The following LSAMP variants were observed in gnomAD, a reference collection of about 807,000 sequenced individuals.
LSAMP encodes the protein limbic system associated membrane protein, also known as limbic system-associated membrane protein.
A neutral mutation model predicts 38.6 loss-of-function variants in LSAMP; 7 were observed. That is an observed-to-expected ratio of 0.18 (90% CI 0.10 to 0.34). The LOEUF is 0.34. Among genes scored for constraint, LSAMP ranks in the 10% least tolerant of loss-of-function variants. LSAMP has a pLI of 1.00. For synonymous variants in LSAMP, 154 were observed against 166.8 expected, an observed-to-expected ratio of 0.92 and a Z score of 0.59; for missense variants, 313 against 420.0, an observed-to-expected ratio of 0.75 and a Z score of 2.23.
chr3:116,415,605 G>C (rs1456222272), intron 1 of LSAMP, among the ~76,000 whole-genome samples: 1 of 152,104 alleles, frequency 6.6e-6, no homozygotes, highest in East Asian at 1.9e-4. Flanking sequence ...TCATCTTGGA[G>C]AGAGCTTGGC....
chr3:116,270,433 A>C (rs902077615), intron 1 of LSAMP, among the ~76,000 whole-genome samples: 2 of 29,810 alleles, frequency 6.7e-5, no homozygotes, highest in Admixed American at 6.2e-4. Flanking sequence ...ACTTCATTTG[A>C]CAACAATTGT....
At chr3:116,025,592 C>T (rs1020754840) in intron 2 of LSAMP, among the ~76,000 whole-genome samples, 12 of 151,622 alleles carry the variant, frequency 7.9e-5, no homozygotes, top group Non-Finnish European at 1.2e-4. Flanking sequence ...ATATTGAATT[C>T]TTTGAATCAT....
chr3:116,393,931 T>G (rs78898530), intron 1 of LSAMP, among the ~76,000 whole-genome samples: 4,166 of 152,270 alleles, frequency 0.027, 193 homozygotes, highest in African/African-American at 0.092. Context: ...AAGCGAGGAT[T>G]TTGCTGCATC....
At chr3:115,860,951 A>G (rs960496712) in intron 3 of LSAMP, among the ~76,000 whole-genome samples, 14 of 152,164 alleles carry the variant, frequency 9.2e-5, no homozygotes, top group Non-Finnish European at 1.8e-4. Context: ...TTGCTATGTG[A>G]GGTACCACTA....
intron 1 of LSAMP, among the ~76,000 whole-genome samples, chr3:116,347,461 T>C (rs990848628): frequency 6.6e-6 from 1 of 152,190 alleles, no homozygotes; most frequent in African/African-American, 2.4e-5. Context: ...ATAGTAACTG[T>C]GGTTGAAGGA....
chr3:115,821,210 T>A (rs1202147875), intron 6 of LSAMP, among the ~76,000 whole-genome samples: 3 of 152,192 alleles, frequency 2.0e-5, no homozygotes, highest in Non-Finnish European at 4.4e-5. Flanking sequence ...CATTGGAAAC[T>A]CTACAGTTTA....
At chr3:115,855,616 G>A (rs1319630476) in intron 3 of LSAMP, among the ~76,000 whole-genome samples, 1 of 152,058 alleles carries the variant, frequency 6.6e-6, no homozygotes, top group Non-Finnish European at 1.5e-5. Flanking sequence ...ACCAACTATC[G>A]GCAGGGGAAA....
rs563150676 is a variant in LSAMP, at chr3:116,208,680, C to G, written c.156-122124G>C. ...CTGCCGTGTGAGGTGTCAGTGTGCC[C>G]CTGCTGGGGGGTGCCTCCCAGTTAG... On this transcript the variant is annotated intron_variant, in intron 1 of 6. Transcript: ENST00000490035. Among the ~76,000 whole-genome samples the G allele has an allele frequency of 7.2e-5, 11 of 152,210 alleles. No individual in the cohort carries two copies. The East Asian group carries it at 2.1e-3, about 30-fold the overall frequency.
intron 1 of LSAMP, among the ~76,000 whole-genome samples, chr3:116,110,578 G>A (rs773620530): frequency 3.9e-5 from 6 of 152,154 alleles, no homozygotes; most frequent in East Asian, 3.9e-4. Context: ...GAAGTGTGGC[G>A]CCAAGATTGA....
chr3:116,285,931 A>G (rs193218838), intron 1 of LSAMP, among the ~76,000 whole-genome samples: 6 of 152,322 alleles, frequency 3.9e-5, no homozygotes, highest in African/African-American at 1.4e-4. Context: ...GAAGAGGCCT[A>G]GAAAGGATAG....
At chr3:115,861,043 TC>T (rs1935662620) in intron 3 of LSAMP, among the ~76,000 whole-genome samples, 1 of 143,202 alleles carries the variant, frequency 7.0e-6, no homozygotes, top group African/African-American at 2.7e-5. Flanking sequence ...CCTTTTTTCC[TC>T]CCCTCCTCCC....
chr3:115,895,536 A>G (rs943575284), intron 3 of LSAMP, among the ~76,000 whole-genome samples: 4 of 152,124 alleles, frequency 2.6e-5, no homozygotes, highest in Admixed American at 2.6e-4. Context: ...TCAGGTAAAA[A>G]CAAATAATTT....
chr3:116,256,715 CTGTG>C (rs1468169475), intron 1 of LSAMP, among the ~76,000 whole-genome samples: 1 of 152,116 alleles, frequency 6.6e-6, no homozygotes, highest in Admixed American at 6.5e-5. Context: ...TTTCTCTCTT[CTGTG>C]TGTCAGTCTC....
Position 115,868,984 on chromosome 3 carries a change from A to AT in LSAMP, c.515-16368dup, listed in dbSNP as rs555607120. 3.3e-3 allele frequency among the ~76,000 whole-genome samples: 496 copies of AT among 152,176 alleles called. 2 individuals are homozygous for AT. Among genetic ancestry groups the AT allele is most frequent in the African/African-American group, 0.011 (476 of 41,536 alleles). On this transcript the variant is annotated intron_variant, in intron 3 of 6. Transcript: ENST00000490035. ...TTATAAATCAGGAAAAAAAACCCAT[A>AT]TTTTATCCTAGTGACAAAGCTGTTA... is the stretch of plus-strand genomic sequence containing the variant.
At chr3:116,055,589 C>T (rs1285501639) in intron 2 of LSAMP, among the ~76,000 whole-genome samples, 1 of 152,140 alleles carries the variant, frequency 6.6e-6, no homozygotes, top group Admixed American at 6.6e-5. Flanking sequence ...TGACAATGCC[C>T]TCTACTCACA....
chr3:115,977,578 C>T (rs1166371288), intron 3 of LSAMP, among the ~76,000 whole-genome samples: 1 of 152,172 alleles, frequency 6.6e-6, no homozygotes, highest in Non-Finnish European at 1.5e-5. Context: ...CTCACATACT[C>T]CACCAGCTGG....
chr3:116,055,785 C>T (rs1478931217), intron 2 of LSAMP, among the ~76,000 whole-genome samples: 1 of 152,150 alleles, frequency 6.6e-6, no homozygotes, highest in Admixed American at 6.6e-5. Context: ...TTGTAAATCA[C>T]TTATATAGCA....
chr3:116,276,834 A>G (rs533797370), intron 1 of LSAMP, among the ~76,000 whole-genome samples: 16 of 152,268 alleles, frequency 1.1e-4, no homozygotes, highest in African/African-American at 3.4e-4. Flanking sequence ...ATCCTAGACA[A>G]CCTGCTGAGA....
intron 1 of LSAMP, among the ~76,000 whole-genome samples, chr3:116,218,859 A>T (rs1054129167): frequency 6.6e-5 from 10 of 152,130 alleles, no homozygotes; most frequent in African/African-American, 2.4e-4. Flanking sequence ...TTTTCAACTT[A>T]CTCTGAGTGG....
Sources: gnomAD v4.1 joint callset for allele counts (sites outside exome capture counted in the v4.1 genomes callset) on GRCh38, gnomAD v4.1.1 for gene constraint, MANE v1.5 for transcripts, NCBI Gene and HGNC (gene_info 2026-07-23, HGNC 2026-07-21) for gene names.